The following ELAVL4 variants were observed in gnomAD, a reference collection of about 807,000 sequenced individuals.
ELAVL4 encodes ELAV-like protein 4.
A neutral mutation model predicts 35.6 loss-of-function variants in ELAVL4; 1 was observed. That is an observed-to-expected ratio of 0.03 (90% CI 0.01 to 0.13). ELAVL4 has a LOEUF of 0.13. Ranked by LOEUF, ELAVL4 falls within the 10% of genes least tolerant of loss-of-function variation. The probability of loss-of-function intolerance (pLI) is 1.00; values close to 1 mark genes in which losing one functional copy is unlikely to be tolerated. For synonymous variants in ELAVL4, 156 were observed against 171.0 expected (o/e 0.91, Z 0.69); for missense variants, 267 against 464.9 (o/e 0.57, Z 3.91).
At chr1:50,109,574 T>TG in intron 1 of ELAVL4, 1 of 373,722 alleles carries the variant, frequency 2.7e-6, no homozygotes, top group East Asian at 5.0e-5. Flanking sequence ...TTTGTGGGGC[T>TG]GGGGGTGGAT....
intron 1 of ELAVL4, among the ~76,000 whole-genome samples, chr1:50,089,786 CT>C (rs1258279780): frequency 6.6e-6 from 1 of 152,084 alleles, no homozygotes; most frequent in African/African-American, 2.4e-5. Flanking sequence ...AAAAAACCAT[CT>C]TTCTAACCCT....
At chr1:50,195,316 A>T (rs1373795715) in intron 4 of ELAVL4, among the ~76,000 whole-genome samples, 1 of 152,106 alleles carries the variant, frequency 6.6e-6, no homozygotes, top group Non-Finnish European at 1.5e-5. Context: ...GTGATAGAGG[A>T]CTAGAGGGGC....
chr1:50,106,423 CCACAGTGCTGGGATAT>C, upstream of ELAVL4: 1 of 1,570,910 alleles, frequency 6.4e-7, no homozygotes, highest in Non-Finnish European at 8.7e-7. Flanking sequence ...GCTGGCAGCC[CCACAGTGCTGGGATAT>C]CATTTTTAGG....
intron 1 of ELAVL4, among the ~76,000 whole-genome samples, chr1:50,098,592 C>T (rs563504593): frequency 6.6e-6 from 1 of 152,280 alleles, no homozygotes; most frequent in East Asian, 1.9e-4. Context: ...AAGATGTGAT[C>T]CTTTTCACAG....
At chr1:50,156,263 C>A (rs969210584) in intron 2 of ELAVL4, among the ~76,000 whole-genome samples, 1 of 152,240 alleles carries the variant, frequency 6.6e-6, no homozygotes, top group Non-Finnish European at 1.5e-5. Flanking sequence ...CCCTTTGGAT[C>A]TCCATTTCCT....
At chr1:50,086,716 T>C (rs1248880100) in intron 1 of ELAVL4, among the ~76,000 whole-genome samples, 1 of 152,012 alleles carries the variant, frequency 6.6e-6, no homozygotes, top group African/African-American at 2.4e-5. Flanking sequence ...TTCCAACCCT[T>C]GCCTCCTACC....
intron 5 of ELAVL4, among the ~76,000 whole-genome samples, chr1:50,196,019 A>G (rs1042885814): frequency 2.6e-5 from 4 of 152,248 alleles, no homozygotes; most frequent in African/African-American, 9.6e-5. Flanking sequence ...TAAACTTTAG[A>G]TTCTTTGGTA....
intron 1 of ELAVL4, among the ~76,000 whole-genome samples, chr1:50,122,073 A>T (rs1572266960): frequency 6.6e-6 from 1 of 152,048 alleles, no homozygotes; most frequent in African/African-American, 2.4e-5. Context: ...TATTTTATGG[A>T]CAAGCTAACT....
At chr1:50,188,060 A>T (rs1203453744) in intron 3 of ELAVL4, among the ~76,000 whole-genome samples, 3 of 152,100 alleles carry the variant, frequency 2.0e-5, no homozygotes, top group African/African-American at 7.2e-5. Flanking sequence ...GTGCCACTGC[A>T]CTCCAGCCTG....
chr1:50,119,076 G>GAAAGAAAGAA (rs1354836498), intron 1 of ELAVL4, among the ~76,000 whole-genome samples: 1 of 136,802 alleles, frequency 7.3e-6, no homozygotes, highest in East Asian at 2.4e-4. Context: ...AAGAAAGAAA[G>GAAAGAAAGAA]AAAGAAAGAA....
chr1:50,172,791 G>A (rs1025182983), intron 2 of ELAVL4, among the ~76,000 whole-genome samples: 3 of 152,134 alleles, frequency 2.0e-5, no homozygotes, highest in African/African-American at 7.2e-5. Context: ...CTCAAACAGG[G>A]TTGTTGAGAG....
chr1:50,128,104 A>G (rs1475724358), intron 1 of ELAVL4, among the ~76,000 whole-genome samples: 1 of 152,096 alleles, frequency 6.6e-6, no homozygotes, highest in African/African-American at 2.4e-5. Flanking sequence ...AGCCAAATTC[A>G]GACTCAACGT....
Position 50,193,783 on chromosome 1 carries a change from A to G in ELAVL4, c.373A>G (p.Ser125Gly). Residue 125 changes from serine (S) to glycine (G), a missense_variant, in exon 4 of 7, where the codon AGC becomes GGC. Ser to Gly is a moderately conservative substitution (Grantham distance 56, BLOSUM62 0). This residue lies in a region of ELAVL4 where 216 missense variants were observed against 409.5 expected (regional missense o/e 0.53). Coordinates refer to ENST00000371824, the MANE Select transcript of ELAVL4 (RefSeq NM_001144774.3). ...TTCCTAGGTCTCATATGCCCGTCCG[A>G]GCTCTGCCTCAATCAGGGATGCTAA... ...KTIKVSYARP[S>G]SASIRDANLY... is the part of the protein sequence containing the mutation. 6.2e-7 allele frequency: 1 copy of G among 1,613,834 alleles called. No individual in the cohort carries two copies.
At chr1:50,101,055 T>C (rs1187658412), upstream of ELAVL4, among the ~76,000 whole-genome samples, 3 of 151,680 alleles carry the variant, frequency 2.0e-5, no homozygotes, top group Non-Finnish European at 4.4e-5. Context: ...GATGAGGAAA[T>C]TGAGGCTTAT....
chr1:50,109,335 T>A (rs1317193461), intron 1 of ELAVL4, 137 bp downstream of exon 1: 4 of 896,936 alleles, frequency 4.5e-6, no homozygotes, highest in Non-Finnish European at 6.8e-6. Context: ...CTATCTCTTT[T>A]GTGTAGAGAG....
intron 1 of ELAVL4, among the ~76,000 whole-genome samples, chr1:50,136,185 G>C (rs1476300762): frequency 6.6e-6 from 1 of 152,050 alleles, no homozygotes; most frequent in Non-Finnish European, 1.5e-5. Flanking sequence ...CTTTTAAGGA[G>C]CAAGAAGAGA....
chr1:50,065,924 T>C (rs80185841), intron 1 of ELAVL4, among the ~76,000 whole-genome samples: 6 of 152,210 alleles, frequency 3.9e-5, no homozygotes, highest in African/African-American at 1.4e-4. Context: ...CCAGGGCTTG[T>C]TCATATGACA....
At chr1:50,177,054 C>T in intron 2 of ELAVL4, 35 bp from the exon 3 acceptor site, 1 of 1,555,024 alleles carries the variant, frequency 6.4e-7, no homozygotes, top group Non-Finnish European at 8.9e-7. Flanking sequence ...CTGTCTCTCT[C>T]TCCCTTTCTC....
At chr1:50,091,424 G>A (rs192267870) in intron 1 of ELAVL4, among the ~76,000 whole-genome samples, 118 of 152,286 alleles carry the variant, frequency 7.7e-4, no homozygotes, top group African/African-American at 2.7e-3. Flanking sequence ...GGCAGATGTG[G>A]TAGGGATTTT....
Sources: allele counts gnomAD v4.1 joint callset (sites outside exome capture counted in the v4.1 genomes callset), GRCh38; gene constraint gnomAD v4.1.1; regional missense constraint gnomAD v4.1.1; transcripts MANE v1.5; gene names NCBI Gene and HGNC (gene_info 2026-07-23, HGNC 2026-07-21).